Variants in XRRA1 observed in about 807,000 individuals in gnomAD.
The protein encoded by XRRA1 is X-ray radiation resistance associated 1, also known as X-ray radiation resistance-associated protein 1.
XRRA1 carries 69 observed loss-of-function variants against 80.2 expected under a neutral mutation model. That is an observed-to-expected ratio of 0.86 (90% confidence interval 0.71 to 1.05). The LOEUF is 1.05. XRRA1 is among the 50% of genes least tolerant of loss of function. The probability of loss-of-function intolerance (pLI) is 0.00; values close to 1 mark genes in which losing one functional copy is unlikely to be tolerated. For missense variants in XRRA1, 967 were observed against 976.4 expected, an observed-to-expected ratio of 0.99 and a Z score of 0.13; for synonymous variants, 348 against 389.9, an observed-to-expected ratio of 0.89 and a Z score of 1.27.
At chr11:74,865,781 G>A (rs1296945307) in intron 10 of XRRA1, among the ~76,000 whole-genome samples, 1 of 152,224 alleles carries the variant, frequency 6.6e-6, no homozygotes, top group Admixed American at 6.5e-5. Flanking sequence ...ACATATCTGG[G>A]CCACTGGGAC....
chr11:74,850,282 G>A (rs569849547), intron 14 of XRRA1, among the ~76,000 whole-genome samples: 37 of 152,300 alleles, frequency 2.4e-4, no homozygotes, highest in African/African-American at 8.7e-4. Context: ...AAAGGAGAGA[G>A]GATTCTGCCC....
chr11:74,887,151 T>C (rs368820415), intron 10 of XRRA1, among the ~76,000 whole-genome samples: 13 of 152,194 alleles, frequency 8.5e-5, no homozygotes, highest in African/African-American at 2.2e-4. Context: ...CTTCTGGACA[T>C]AGGACTGGGC....
At chr11:74,919,637 C>A in intron 8 of XRRA1, 1 of 557,662 alleles carries the variant, frequency 1.8e-6, no homozygotes, top group Non-Finnish European at 3.5e-6. Context: ...GTTCTGCCAT[C>A]AATGAGGTGG....
At position 74,937,060 on chromosome 11, in the gene XRRA1, G is replaced by A. The variant is rs774498947; in HGVS notation, c.103C>T (p.His35Tyr). ...LLRVPEEGQG[H>Y]WLVVQKGNLK... ...TTACCTTTCTGAACCACTAACCAGT[G>A]TCCTTGGCCTGTTGAGAAAATTAGA... Residue 35 changes from histidine (H) to tyrosine (Y), a missense_variant, in exon 4 of 19, where the codon CAC becomes TAC. Physicochemically the swap from His to Tyr is moderately conservative, Grantham distance 83. Coordinates refer to ENST00000684022, the MANE Select transcript of XRRA1 (RefSeq NM_001378157.1). 1.2e-6 allele frequency: 2 copies of A among 1,612,640 alleles called. No homozygotes were observed. The highest frequency in any genetic ancestry group is 2.7e-5 in the African/African-American group (2 of 74,780).
chr11:74,859,271 A>G lies in XRRA1; in HGVS notation c.1057T>C (p.Cys353Arg), dbSNP rs375368670. The change falls in exon 12 of 19, where the codon TGT (cysteine) becomes CGT (arginine). Residue 353 changes from cysteine (C) to arginine (R), a missense_variant. By Grantham distance (180) the Cys-to-Arg change is radical. Transcript: ENST00000684022. ...GFSTSETTKI[C>R]SLPPIFEILP... The stretch of plus-strand genomic sequence containing the variant: ...ATCTCGAATATGGGAGGAAGTGAAC[A>G]TATCTTGGTTGTCTTAGAAAGAAGG... 3.1e-6 allele frequency: 5 copies of G among 1,605,892 alleles called. No homozygotes were observed. The African/African-American group carries it at 4.0e-5, about 13-fold the overall frequency.
chr11:74,922,390 G>C (rs983916348), intron 7 of XRRA1, among the ~76,000 whole-genome samples: 2 of 152,064 alleles, frequency 1.3e-5, no homozygotes, highest in African/African-American at 2.4e-5. Flanking sequence ...TGGGGTCAAG[G>C]GGCCAAGGGG....
chr11:74,889,641 G>A (rs1408810219), intron 10 of XRRA1, among the ~76,000 whole-genome samples: 1 of 152,184 alleles, frequency 6.6e-6, no homozygotes, highest in Non-Finnish European at 1.5e-5. Context: ...CCATCAGTGT[G>A]CTGTGTTCAG....
intron 8 of XRRA1, among the ~76,000 whole-genome samples, chr11:74,914,158 G>A (rs561628107): frequency 6.6e-6 from 1 of 152,048 alleles, no homozygotes; most frequent in Non-Finnish European, 1.5e-5. Flanking sequence ...ACTAATTTTT[G>A]TATTTTTAGT....
chr11:74,908,461 A>C (rs760830780), intron 8 of XRRA1, among the ~76,000 whole-genome samples: 1 of 152,238 alleles, frequency 6.6e-6, no homozygotes, highest in Non-Finnish European at 1.5e-5. Context: ...GAGAGAGCTT[A>C]ACAAAGGTTG....
chr11:74,939,964 G>A (rs1281389856), intron 3 of XRRA1, among the ~76,000 whole-genome samples: 1 of 152,154 alleles, frequency 6.6e-6, no homozygotes, highest in Non-Finnish European at 1.5e-5. Flanking sequence ...ATAGGTAGGT[G>A]GCCAGGGAAA....
At chr11:74,894,050 T>C (rs1361999686) in intron 10 of XRRA1, among the ~76,000 whole-genome samples, 2 of 152,298 alleles carry the variant, frequency 1.3e-5, no homozygotes, top group East Asian at 1.9e-4. Flanking sequence ...TTTGGTGTGA[T>C]ACATATACAC....
At chr11:74,849,865 A>C (rs1454907751) in intron 14 of XRRA1, among the ~76,000 whole-genome samples, 1 of 152,130 alleles carries the variant, frequency 6.6e-6, no homozygotes, top group African/African-American at 2.4e-5. Flanking sequence ...CTGTCTGTCC[A>C]TGCCTAGGTG....
At chr11:74,887,157 TG>T (rs1485972157) in intron 10 of XRRA1, among the ~76,000 whole-genome samples, 1 of 152,232 alleles carries the variant, frequency 6.6e-6, no homozygotes, top group Non-Finnish European at 1.5e-5. Context: ...GACATAGGAC[TG>T]GGCAAAGAGT....
chr11:74,948,962 T>C lies in XRRA1; in HGVS notation c.-107A>G. ...GCGTCGCTTCAGCCTCCGAGGGGTCTGCGGAGGCGACGTCCCAGTCAGGAG... is the reference window on the plus strand; with the variant it reads ...GCGTCGCTTCAGCCTCCGAGGGGTCCGCGGAGGCGACGTCCCAGTCAGGAG... On this transcript the variant is annotated 5_prime_UTR_variant, in exon 1 of 19. Coordinates refer to ENST00000684022, the MANE Select transcript of XRRA1 (RefSeq NM_001378157.1). The C allele has an allele frequency of 4.3e-6, 1 of 233,274 alleles. No homozygotes were observed. The highest frequency in any genetic ancestry group is 6.1e-5 in the South Asian group (1 of 16,344). 14.5% of individuals were successfully genotyped at this position (233,274 alleles called of 1,614,324 possible). A position where few individuals can be genotyped will look rare whatever the true frequency, so the allele number is the denominator to read the frequency against.
intron 10 of XRRA1, among the ~76,000 whole-genome samples, chr11:74,877,597 T>C (rs2046354177): frequency 6.8e-6 from 1 of 146,346 alleles, no homozygotes; most frequent in African/African-American, 2.5e-5. Context: ...TATCTCCCGA[T>C]GCTATCCCTC....
intron 14 of XRRA1, among the ~76,000 whole-genome samples, chr11:74,848,674 A>G (rs1352457848): frequency 6.6e-6 from 1 of 152,168 alleles, no homozygotes. Context: ...TACCCAATGA[A>G]TAATTATCCC....
intron 8 of XRRA1, among the ~76,000 whole-genome samples, chr11:74,909,158 G>C (rs2055305022): frequency 6.6e-6 from 1 of 152,206 alleles, no homozygotes; most frequent in Non-Finnish European, 1.5e-5. Context: ...GGACAGGTCA[G>C]ATAAACTTTC....
rs1037195596 is a variant in XRRA1, at chr11:74,897,720, A to G, written c.1003+8519T>C. Among the ~76,000 whole-genome samples the G allele has an allele frequency of 4.6e-5, 7 of 151,056 alleles. No homozygotes were observed. The East Asian group carries it at 1.4e-3, about 29-fold the overall frequency. ...ATTTAAACTGCTAAAAAAAAAAAAA[A>G]AAGAAAAAAAAAAACTTTAACCCCA... On this transcript the variant is annotated intron_variant, in intron 10 of 18. Coordinates refer to ENST00000684022, the MANE Select transcript of XRRA1 (RefSeq NM_001378157.1).
intron 8 of XRRA1, among the ~76,000 whole-genome samples, chr11:74,914,372 T>C (rs1937799280): frequency 1.3e-5 from 2 of 152,224 alleles, no homozygotes; most frequent in African/African-American, 4.8e-5. Flanking sequence ...TAGTTTTGAG[T>C]GAGGTCCAGA....
Sources: gnomAD v4.1 joint callset for allele counts (sites outside exome capture counted in the v4.1 genomes callset) on GRCh38, gnomAD v4.1.1 for gene constraint, MANE v1.5 for transcripts, NCBI Gene and HGNC (gene_info 2026-07-23, HGNC 2026-07-21) for gene names.